Variants in BICDL1 observed in about 807,000 individuals in gnomAD.
The protein encoded by BICDL1 is BICD family-like cargo adapter 1.
In BICDL1, 20 loss-of-function variants were observed where a neutral mutation model predicts 76.8. The observed-to-expected ratio is 0.26, with a 90% confidence interval of 0.18 to 0.38. The LOEUF (loss-of-function observed/expected upper bound fraction) is 0.38, where lower values mean the gene tolerates loss of function less well. Ranked by LOEUF, BICDL1 falls within the 10% of genes least tolerant of loss-of-function variation. The pLI is 1.00. For missense variants in BICDL1, 700 were observed against 798.6 expected (o/e 0.88, Z 1.49); for synonymous variants, 383 against 337.1 (o/e 1.14, Z -1.49).
At chr12:120,057,818 C>CTTTTTTTTT (rs143777152) in intron 2 of BICDL1, among the ~76,000 whole-genome samples, 7 of 78,322 alleles carry the variant, frequency 8.9e-5, no homozygotes, top group African/African-American at 3.2e-4. Flanking sequence ...GCGATTCCTG[C>CTTTTTTTTT]TTTTTTTTTT....
intron 3 of BICDL1, 64 bp from the exon 4 acceptor site, chr12:120,064,669 C>T (rs1953181257): frequency 1.3e-5 from 20 of 1,521,370 alleles, no homozygotes; most frequent in Non-Finnish European, 1.8e-5. Flanking sequence ...GGGCTAGTCC[C>T]TAGTTCCTAC....
intron 2 of BICDL1, among the ~76,000 whole-genome samples, chr12:120,014,349 G>A (rs1255557331): frequency 1.3e-5 from 2 of 152,084 alleles, no homozygotes; most frequent in Non-Finnish European, 2.9e-5. Flanking sequence ...TCGGATTGAG[G>A]CATCTTTCAA....
Position 120,072,394 on chromosome 12 carries a change from C to G in BICDL1, c.1090-117C>G, listed in dbSNP as rs889112093. On this transcript the variant is annotated intron_variant, in intron 5 of 9. Coordinates refer to ENST00000548673, the MANE Select transcript of BICDL1 (RefSeq NM_001367886.1). ...AAAAAAAAACACAGAACAAAAAACC[C>G]TTTCTTCTAGAACTGGTGTCTTGGG... is the stretch of plus-strand genomic sequence containing the variant. The G allele has an allele frequency of 8.8e-6, 8 of 908,170 alleles. No individual in the cohort carries two copies. The African/African-American group carries it at 1.0e-4, about 11-fold the overall frequency. The allele number at this position is 908,170 out of a possible 1,614,324, so 56.3% of individuals were successfully genotyped here.
rs147653137 is a variant in BICDL1, at chr12:120,027,745, T to C, written c.645+29009T>C. On this transcript the variant is annotated intron_variant, in intron 2 of 9. Transcript: ENST00000548673. ...ACAATTTATGTCCTAGAATTTTCTC[T>C]TGGGTATAGTGTAGTAAGCATCCAA... Among the ~76,000 whole-genome samples the C allele has an allele frequency of 2.9e-4, 44 of 152,344 alleles. 1 individual carries two copies. The East Asian group carries it at 7.5e-3, about 26-fold the overall frequency.
Position 120,093,288 on chromosome 12 carries a change from T to C in BICDL1, c.*127T>C. 1 of 1,120,590 alleles carries C rather than the reference T, an allele frequency of 8.9e-7. No homozygotes were observed. The highest frequency in any genetic ancestry group is 1.3e-6 in the Non-Finnish European group (1 of 784,784). The allele number at this position is 1,120,590 out of a possible 1,614,324, so 69.4% of individuals were successfully genotyped here. On this transcript the variant is annotated 3_prime_UTR_variant, in exon 10 of 10. Transcript: ENST00000548673. ...GCCCCTCATGCTAGGGCCCCATGGG[T>C]CCGGGAGGGCCTGCTCCCTTTCGTC...
At chr12:120,080,784 C>A in intron 7 of BICDL1, 103 bp from the exon 8 acceptor site, 2 of 1,342,978 alleles carry the variant, frequency 1.5e-6, no homozygotes, top group Non-Finnish European at 2.0e-6. Flanking sequence ...CACCCCCACA[C>A]ATGTACCCTG....
At position 120,071,794 on chromosome 12, in the gene BICDL1, G is replaced by A. The variant is rs775167775; in HGVS notation, c.1082G>A (p.Arg361Gln). Residue 361 changes from arginine to glutamine, a missense_variant, in exon 5 of 10, where the codon CGA (arginine) becomes CAA (glutamine). Around this residue, in one of 3 missense-constraint regions of BICDL1, gnomAD observed 455 missense variants for 548.7 expected, o/e 0.83. Coordinates refer to ENST00000548673, the MANE Select transcript of BICDL1 (RefSeq NM_001367886.1). This position sits in a 1 kb window ranked among gnomAD's most constrained non-coding sequence, Gnocchi z 4.8. Reference protein sequence around the residue: ...SMEAEELEQEREQLRLQLWEA... With the variant: ...SMEAEELEQEQEQLRLQLWEA... Reference sequence around the variant, plus strand: ...GAGGCTGAGGAGCTGGAGCAGGAGCGAGAGCAGGTGCTGACCTGCCTGTCA... The same window carrying A: ...GAGGCTGAGGAGCTGGAGCAGGAGCAAGAGCAGGTGCTGACCTGCCTGTCA... 7.5e-6 allele frequency: 12 copies of A among 1,605,666 alleles called. No individual in the cohort carries two copies. Among genetic ancestry groups the A allele is most frequent in the East Asian group, 2.2e-5 (1 of 44,574 alleles).
intron 8 of BICDL1, among the ~76,000 whole-genome samples, chr12:120,083,413 C>T (rs1874145022): frequency 6.6e-6 from 1 of 151,940 alleles, no homozygotes; most frequent in Non-Finnish European, 1.5e-5. Context: ...TGCACGCCAC[C>T]ACACCTGGCT....
chr12:119,993,220 C>T (rs1373163447), intron 1 of BICDL1: 1 of 152,108 alleles, frequency 6.6e-6, no homozygotes, highest in African/African-American at 2.4e-5. Context: ...GCCTCGGCCT[C>T]CCAAAGTGCT....
intron 8 of BICDL1, among the ~76,000 whole-genome samples, chr12:120,089,043 G>A (rs1422453177): frequency 6.6e-6 from 1 of 152,006 alleles, no homozygotes; most frequent in Non-Finnish European, 1.5e-5. Flanking sequence ...CTAAGCTATA[G>A]TGATCACCAC....
chr12:120,026,946 G>A (rs1053514581), intron 2 of BICDL1, among the ~76,000 whole-genome samples: 7 of 152,008 alleles, frequency 4.6e-5, no homozygotes, highest in Non-Finnish European at 8.8e-5. Context: ...GAATTCCATG[G>A]GAAAACTGGG....
chr12:119,998,750 T>G lies in BICDL1; in HGVS notation c.645+14T>G, dbSNP rs1951701212. On this transcript the variant is annotated intron_variant, in intron 2 of 9. Coordinates refer to ENST00000548673, the MANE Select transcript of BICDL1 (RefSeq NM_001367886.1). ...CAGCTCAGCAGGGTGAGTCACAAAT[T>G]AAGAATTTAAGATGTAAAATACTAA... 9 of 1,605,562 alleles carry G rather than the reference T, an allele frequency of 5.6e-6. No homozygotes were observed. The Middle Eastern group carries it at 1.3e-3, about 236-fold the overall frequency.
Position 120,071,911 on chromosome 12 carries a change from G to A in BICDL1, c.1089+110G>A. ...CTGGCAAGGCTGTGCCCCTGTGCCT[G>A]TGTCAGCCCCTTGGCCTGCTGGCTA... is the stretch of plus-strand genomic sequence containing the variant. On this transcript the variant is annotated intron_variant, in intron 5 of 9. Transcript: ENST00000548673. This position sits in a 1 kb window ranked among gnomAD's most constrained non-coding sequence, Gnocchi z 4.8. The A allele has an allele frequency of 7.1e-6, 10 of 1,417,556 alleles. No homozygotes were observed. The highest frequency in any genetic ancestry group is 8.3e-6 in the Non-Finnish European group (9 of 1,087,884). The allele number at this position is 1,417,556 out of a possible 1,614,324, so 87.8% of individuals were successfully genotyped here.
chr12:119,994,729 C>G (rs1951602182), intron 1 of BICDL1, among the ~76,000 whole-genome samples: 1 of 152,210 alleles, frequency 6.6e-6, no homozygotes, highest in African/African-American at 2.4e-5. Flanking sequence ...ACCTCGTGAT[C>G]TGCCCACCTG....
At chr12:120,056,965 T>C (rs1006769790) in intron 2 of BICDL1, 10 of 442,848 alleles carry the variant, frequency 2.3e-5, no homozygotes, top group African/African-American at 1.6e-4. Context: ...GGCTGGGCCC[T>C]GTGCCAAGCC....
intron 2 of BICDL1, among the ~76,000 whole-genome samples, chr12:120,005,565 G>C (rs1217458471): frequency 6.6e-6 from 1 of 152,068 alleles, no homozygotes; most frequent in Non-Finnish European, 1.5e-5. Flanking sequence ...GTAGAGATGC[G>C]GTTTTGCCAT....
chr12:120,041,709 G>C (rs981315744), intron 2 of BICDL1, among the ~76,000 whole-genome samples: 2 of 152,138 alleles, frequency 1.3e-5, no homozygotes, highest in African/African-American at 4.8e-5. Context: ...TGCAGGAACA[G>C]GCCTCGTGAA....
At chr12:120,057,818 C>CCT (rs1953008680) in intron 2 of BICDL1, among the ~76,000 whole-genome samples, 104 of 78,324 alleles carry the variant, frequency 1.3e-3, no homozygotes, top group Middle Eastern at 8.9e-3. Flanking sequence ...GCGATTCCTG[C>CCT]TTTTTTTTTT....
intron 2 of BICDL1, among the ~76,000 whole-genome samples, chr12:120,050,011 T>C (rs1952822895): frequency 6.6e-6 from 1 of 152,228 alleles, no homozygotes; most frequent in Non-Finnish European, 1.5e-5. Context: ...TATGAGTATG[T>C]AGTGGTATCT....
Sources: allele counts gnomAD v4.1 joint callset (sites outside exome capture counted in the v4.1 genomes callset), GRCh38; gene constraint gnomAD v4.1.1; regional missense constraint gnomAD v4.1.1; non-coding constraint Gnocchi (gnomAD v3.1); transcripts MANE v1.5; gene names NCBI Gene and HGNC (gene_info 2026-07-23, HGNC 2026-07-21).